The following FSTL4 variants were observed in gnomAD, a reference collection of about 807,000 sequenced individuals.
The protein encoded by FSTL4 is follistatin-related protein 4.
FSTL4 carries 28 observed loss-of-function variants against 78.2 expected under a neutral mutation model. The observed-to-expected ratio is 0.36, with a 90% CI of 0.27 to 0.49. FSTL4 has a LOEUF of 0.49. FSTL4 is among the 20% of genes least tolerant of loss of function. The probability of loss-of-function intolerance (pLI) is 0.98; values close to 1 mark genes in which losing one functional copy is unlikely to be tolerated. For missense variants in FSTL4, 922 were observed against 1,084.9 expected (o/e 0.85, Z 2.11); for synonymous variants, 422 against 440.5 (o/e 0.96, Z 0.53).
chr5:133,343,119 C>G (rs1432255466), intron 4 of FSTL4, among the ~76,000 whole-genome samples: 1 of 152,202 alleles, frequency 6.6e-6, no homozygotes, highest in African/African-American at 2.4e-5. Context: ...TGCATCATCA[C>G]AAGGGCTCAG....
Position 133,316,562 on chromosome 5 carries a change from C to A in FSTL4, c.500G>T (p.Ser167Ile). The A allele has an allele frequency of 1.2e-6, 2 of 1,614,084 alleles. No homozygotes were observed. The highest frequency in any genetic ancestry group is 1.7e-6 in the Non-Finnish European group (2 of 1,179,932). Residue 167 changes from serine to isoleucine, a missense_variant, in exon 5 of 16, where the codon AGC becomes ATC. Transcript: ENST00000265342. ...CTTCTGGGAGGCAGGGTCTTGTCTG[C>A]TGTCTCCTTCTTGGAGTGGCTGCAG... ...TRLQPLQEGD[S>I]RQDPASQKRL...
chr5:133,838,499 T>C, the FSTL4 span, among the ~76,000 whole-genome samples: 1 of 152,214 alleles, frequency 6.6e-6, no homozygotes, highest in Non-Finnish European at 1.5e-5. Context: ...CCCATGAGGT[T>C]GCAATCAGAT....
intron 3 of FSTL4, among the ~76,000 whole-genome samples, chr5:133,565,103 AG>A (rs1759999004): frequency 6.6e-6 from 1 of 152,322 alleles, no homozygotes; most frequent in Middle Eastern, 3.4e-3. Flanking sequence ...AAGACTTTCT[AG>A]ACTCTCCTGG....
the FSTL4 span, among the ~76,000 whole-genome samples, chr5:133,802,207 C>T: frequency 7.0e-4 from 106 of 152,270 alleles, no homozygotes; most frequent in African/African-American, 2.5e-3. Context: ...ATCTCCAGGG[C>T]CTGGCACACC....
the FSTL4 span, among the ~76,000 whole-genome samples, chr5:133,800,211 G>C: frequency 7.2e-6 from 1 of 138,220 alleles, no homozygotes; most frequent in South Asian, 2.3e-4. Flanking sequence ...CCAAATATTG[G>C]GGGGCAGTCA....
chr5:133,225,045 C>T lies in FSTL4; in HGVS notation c.1312+105G>A, dbSNP rs186874704. 174 of 1,321,134 alleles carry T rather than the reference C, an allele frequency of 1.3e-4. No homozygotes were observed. Among genetic ancestry groups the T allele is most frequent in the Middle Eastern group, 1.2e-3 (6 of 5,116 alleles). The allele number at this position is 1,321,134 out of a possible 1,614,324, so 81.8% of individuals were successfully genotyped here. A position where few individuals can be genotyped will look rare whatever the true frequency, so the allele number is the denominator to read the frequency against. Reference sequence around the variant, plus strand: ...GATATGAGGCTTACCCCTGTCTTCACGGGCTCATGGTTGGCAGCTGTGGCC... The same window carrying T: ...GATATGAGGCTTACCCCTGTCTTCATGGGCTCATGGTTGGCAGCTGTGGCC... On this transcript the variant is annotated intron_variant, in intron 10 of 15. Transcript: ENST00000265342. This position sits in a 1 kb window ranked among gnomAD's most constrained non-coding sequence, Gnocchi z 4.6.
At chr5:133,581,455 G>GTCAC (rs559065209) in intron 2 of FSTL4, among the ~76,000 whole-genome samples, 21 of 152,348 alleles carry the variant, frequency 1.4e-4, no homozygotes, top group Admixed American at 3.9e-4. Flanking sequence ...GGCATGCAAT[G>GTCAC]TCACTCCTCA....
intron 3 of FSTL4, among the ~76,000 whole-genome samples, chr5:133,476,293 T>C (rs1309324449): frequency 6.6e-6 from 1 of 152,134 alleles, no homozygotes; most frequent in Non-Finnish European, 1.5e-5. Flanking sequence ...GGCTAGTGAG[T>C]GCTACATCTT....
At chr5:133,429,631 A>G (rs1409006701) in intron 3 of FSTL4, among the ~76,000 whole-genome samples, 1 of 152,262 alleles carries the variant, frequency 6.6e-6, no homozygotes, top group East Asian at 1.9e-4. Context: ...CCAGGCTCCT[A>G]AAGACTTATC....
At chr5:133,725,702 T>C in the FSTL4 span, among the ~76,000 whole-genome samples, 1 of 152,114 alleles carries the variant, frequency 6.6e-6, no homozygotes, top group Admixed American at 6.6e-5. Flanking sequence ...ATATAAGGGG[T>C]TGTTATTAAT....
the FSTL4 span, among the ~76,000 whole-genome samples, chr5:133,727,246 T>A: frequency 6.6e-6 from 1 of 152,168 alleles, no homozygotes; most frequent in Non-Finnish European, 1.5e-5. Context: ...ACTATAAGAT[T>A]TAGCTTGACC....
chr5:133,615,213 A>G (rs1761176561), upstream of FSTL4, among the ~76,000 whole-genome samples: 1 of 152,238 alleles, frequency 6.6e-6, no homozygotes, highest in African/African-American at 2.4e-5. Flanking sequence ...GCCTAGAAAT[A>G]CCCATTAGAA....
the FSTL4 span, among the ~76,000 whole-genome samples, chr5:133,727,171 C>T: frequency 6.6e-6 from 1 of 152,088 alleles, no homozygotes; most frequent in African/African-American, 2.4e-5. Flanking sequence ...AGTAGCAGGA[C>T]AGAAAATGAA....
the FSTL4 span, among the ~76,000 whole-genome samples, chr5:133,690,219 T>G: frequency 6.6e-6 from 1 of 152,008 alleles, no homozygotes; most frequent in African/African-American, 2.4e-5. Flanking sequence ...GACCCCCTCC[T>G]CCCATTATTC....
In FSTL4 at chr5:133,444,744, T is replaced by C. The variant is rs1364785206; in HGVS notation, c.161-43758A>G. ...GGCCTGTCCTTGGGGTAACTCACTC[T>C]TTCCCCAGATACGTGGTGCTTATTA... is the stretch of plus-strand genomic sequence containing the variant. On this transcript the variant is annotated intron_variant, in intron 3 of 15. Transcript: ENST00000265342. 3.9e-5 allele frequency among the ~76,000 whole-genome samples: 6 copies of C among 152,182 alleles called. No homozygotes were observed. The East Asian group carries it at 9.6e-4, about 24-fold the overall frequency.
intron 3 of FSTL4, among the ~76,000 whole-genome samples, chr5:133,539,004 G>A (rs1484622927): frequency 1.3e-5 from 2 of 152,144 alleles, no homozygotes; most frequent in Non-Finnish European, 2.9e-5. Flanking sequence ...GGTAACCTCA[G>A]GGCACTGTTT....
At chr5:133,375,124 C>A (rs1369502615) in intron 4 of FSTL4, among the ~76,000 whole-genome samples, 4 of 151,380 alleles carry the variant, frequency 2.6e-5, no homozygotes, top group Non-Finnish European at 5.9e-5. Context: ...AACTTAAACA[C>A]CTCTGTCTCT....
chr5:133,224,005 A>C (rs1751244900), intron 11 of FSTL4, 185 bp downstream of exon 11: 2 of 529,632 alleles, frequency 3.8e-6, no homozygotes. Flanking sequence ...AAAATTTCTC[A>C]TTAAAGACAG....
chr5:133,427,682 T>C (rs749586519), intron 3 of FSTL4: 4 of 521,948 alleles, frequency 7.7e-6, no homozygotes, highest in Non-Finnish European at 1.6e-5. Context: ...GGTCTAGGAA[T>C]GTGCCTTTTT....
Sources: gnomAD v4.1 joint callset for allele counts (sites outside exome capture counted in the v4.1 genomes callset) on GRCh38, gnomAD v4.1.1 for gene constraint, Gnocchi (gnomAD v3.1) non-coding constraint, MANE v1.5 for transcripts, NCBI Gene and HGNC (gene_info 2026-07-23, HGNC 2026-07-21) for gene names.